The following CTNNA2 variants were observed in gnomAD, a reference collection of about 807,000 sequenced individuals.
CTNNA2 encodes the protein catenin alpha 2.
CTNNA2 carries 42 observed loss-of-function variants against 101.0 expected under a neutral mutation model. The ratio of observed to expected loss-of-function variants is 0.42; its 90% CI spans 0.32 to 0.54. CTNNA2 has a LOEUF of 0.54. Ranked by LOEUF, CTNNA2 falls within the 20% of genes least tolerant of loss-of-function variation. The pLI is 0.14. For missense variants in CTNNA2, 871 were observed against 1,223.1 expected, an observed-to-expected ratio of 0.71 and a Z score of 4.29; for synonymous variants, 450 against 456.4, an observed-to-expected ratio of 0.99 and a Z score of 0.18.
chr2:79,796,589 C>T (rs1040152603), intron 3 of CTNNA2, among the ~76,000 whole-genome samples: 4 of 152,172 alleles, frequency 2.6e-5, no homozygotes, highest in African/African-American at 9.7e-5. Context: ...TGGAGGCAGG[C>T]AGCATCCAAC....
intron 7 of CTNNA2, among the ~76,000 whole-genome samples, chr2:79,948,915 C>G (rs1029660668): frequency 6.6e-6 from 1 of 152,152 alleles, no homozygotes; most frequent in Admixed American, 6.5e-5. Context: ...TTGCAGTGAA[C>G]TGAGATTGTG....
At chr2:80,310,737 C>T (rs866168671) in intron 7 of CTNNA2, among the ~76,000 whole-genome samples, 2 of 151,892 alleles carry the variant, frequency 1.3e-5, no homozygotes, top group East Asian at 1.9e-4. Context: ...TTTGGGAGGC[C>T]GAGGCGGGTG....
intron 2 of CTNNA2, among the ~76,000 whole-genome samples, chr2:79,241,898 T>TCTTTC (rs1674630364): frequency 6.6e-6 from 1 of 150,866 alleles, no homozygotes; most frequent in African/African-American, 2.5e-5. Context: ...TCTTTTCTTT[T>TCTTTC]CTTTTCTTTT....
chr2:80,280,227 A>G (rs1411626967), intron 7 of CTNNA2, among the ~76,000 whole-genome samples: 1 of 148,656 alleles, frequency 6.7e-6, no homozygotes, highest in South Asian at 2.2e-4. Flanking sequence ...GGATTTGAGC[A>G]ATGAGAATCT....
chr2:80,102,805 C>T (rs1013583991), intron 7 of CTNNA2, among the ~76,000 whole-genome samples: 1 of 152,164 alleles, frequency 6.6e-6, no homozygotes, highest in East Asian at 1.9e-4. Flanking sequence ...AGCCACTGCA[C>T]CCTGCCCTAG....
chr2:79,525,972 G>T (rs886629813), intron 1 of CTNNA2, among the ~76,000 whole-genome samples: 2 of 151,892 alleles, frequency 1.3e-5, no homozygotes, highest in Non-Finnish European at 2.9e-5. Context: ...TTGATGACTG[G>T]TTGCCTTTGG....
In CTNNA2 at chr2:79,296,769, A is replaced by G. The variant is rs1002458875; in HGVS notation, c.-405-15940A>G. Among the ~76,000 whole-genome samples, 11 of 152,128 alleles carry G rather than the reference A, an allele frequency of 7.2e-5. 1 individual carries two copies. Among genetic ancestry groups the G allele is most frequent in the African/African-American group, 2.7e-4 (11 of 41,448 alleles). On this transcript the variant is annotated intron_variant, in intron 2 of 21. Coordinates refer to the CTNNA2 transcript ENST00000466387. The stretch of plus-strand genomic sequence containing the variant: ...TTGTCCAGAGGATCCTTCTAAAACA[A>G]CAGAACCAAACAGCTCTCTGCTTGG...
intron 7 of CTNNA2, among the ~76,000 whole-genome samples, chr2:80,190,571 A>T (rs1706429627): frequency 1.3e-5 from 2 of 152,088 alleles, no homozygotes; most frequent in South Asian, 4.2e-4. Flanking sequence ...CACTCCCAGA[A>T]TCTGTAGCTC....
rs1458764773 is a variant in CTNNA2 at position 80,303,142 on chromosome 2, G to A, written c.1057-90069G>A. The A allele has an allele frequency of 6.2e-7, 1 of 1,614,148 alleles. No individual in the cohort carries two copies. Among genetic ancestry groups the A allele is most frequent in the Non-Finnish European group, 8.5e-7 (1 of 1,180,040 alleles). The stretch of plus-strand genomic sequence containing the variant: ...GGGAGATGAGGCGCGGGAAGTGGGC[G>A]AAGTTCACCTTGACCAAGTCGTTGT... On this transcript the variant is annotated intron_variant, in intron 7 of 18. Coordinates refer to ENST00000402739, the MANE Select transcript of CTNNA2 (RefSeq NM_001282597.3). This position sits in a 1 kb window ranked among gnomAD's most constrained non-coding sequence, Gnocchi z 7.7.
intron 7 of CTNNA2, among the ~76,000 whole-genome samples, chr2:80,161,785 A>G (rs1341992262): frequency 6.6e-6 from 1 of 152,192 alleles, no homozygotes; most frequent in Non-Finnish European, 1.5e-5. Flanking sequence ...TTCATGTAAA[A>G]ATATACGTGT....
At chr2:79,687,423 A>G in intron 2 of CTNNA2, 2 of 508,800 alleles carry the variant, frequency 3.9e-6, no homozygotes, top group South Asian at 3.2e-5. Context: ...GCAAAAATCC[A>G]TAAAAGGTCA....
At chr2:79,347,788 CTTTTTTT>C (rs35044310) in intron 3 of CTNNA2, among the ~76,000 whole-genome samples, 2 of 132,686 alleles carry the variant, frequency 1.5e-5, no homozygotes, top group Admixed American at 7.6e-5. Context: ...CCTAGCCTTC[CTTTTTTT>C]TTTTTTTTTT....
intron 7 of CTNNA2, among the ~76,000 whole-genome samples, chr2:80,124,293 A>G (rs1027712503): frequency 1.3e-5 from 2 of 152,096 alleles, no homozygotes; most frequent in Non-Finnish European, 2.9e-5. Flanking sequence ...ATCTAGGCCC[A>G]GGTGCCATCT....
Position 80,218,947 on chromosome 2 carries a change from C to T in CTNNA2, c.1057-174264C>T, listed in dbSNP as rs536828053. The stretch of plus-strand genomic sequence containing the variant: ...AATGGATGATTACACACATTAAAAC[C>T]TCAATTTAATGTTATGTAGAATCAC... On this transcript the variant is annotated intron_variant, in intron 7 of 18. Transcript: ENST00000402739. Among the ~76,000 whole-genome samples the T allele has an allele frequency of 1.2e-4, 19 of 152,102 alleles. No individual in the cohort carries two copies. The East Asian group carries it at 3.5e-3, about 28-fold the overall frequency.
intron 7 of CTNNA2, among the ~76,000 whole-genome samples, chr2:80,118,272 G>A (rs1175357381): frequency 6.6e-6 from 1 of 152,146 alleles, no homozygotes; most frequent in Admixed American, 6.5e-5. Context: ...TAGACGTGGG[G>A]CATGAATAGT....
intron 9 of CTNNA2, among the ~76,000 whole-genome samples, chr2:80,454,431 T>C (rs1042808328): frequency 6.6e-6 from 1 of 152,186 alleles, no homozygotes; most frequent in Admixed American, 6.5e-5. Context: ...ACCTTCCCCA[T>C]GTGTAGAACA....
At chr2:79,472,741 G>T (rs574380734) in intron 4 of CTNNA2, among the ~76,000 whole-genome samples, 2 of 152,160 alleles carry the variant, frequency 1.3e-5, no homozygotes, top group South Asian at 4.2e-4. Context: ...ATACAGATGG[G>T]CTGAGAATTT....
In CTNNA2 at chr2:80,555,819, C is replaced by G. The variant is rs545265526; in HGVS notation, c.1667C>G (p.Ala556Gly). The change falls in exon 12 of 19, where the codon GCT (alanine) becomes GGT (glycine). Residue 556 changes from alanine to glycine, a missense_variant. Coordinates refer to ENST00000402739, the MANE Select transcript of CTNNA2 (RefSeq NM_001282597.3). ...RAARVIHIIN[A>G]EMENYEAGVY... ...GCTCGAGTCATACACATCATCAATG[C>G]TGAGATGGAGAACTATGAAGCTGGG... 1 of 1,597,800 alleles carries G rather than the reference C, an allele frequency of 6.3e-7. No individual in the cohort carries two copies. The highest frequency in any genetic ancestry group is 1.2e-5 in the South Asian group (1 of 86,726).
chr2:79,944,014 C>A (rs1688327851), intron 7 of CTNNA2, among the ~76,000 whole-genome samples: 1 of 152,142 alleles, frequency 6.6e-6, no homozygotes, highest in African/African-American at 2.4e-5. Flanking sequence ...TTTTTCTTCC[C>A]TTGTGTCTGT....
Sources: gnomAD v4.1 joint callset for allele counts (sites outside exome capture counted in the v4.1 genomes callset) on GRCh38, gnomAD v4.1.1 for gene constraint, Gnocchi (gnomAD v3.1) non-coding constraint, MANE v1.5 for transcripts, NCBI Gene and HGNC (gene_info 2026-07-23, HGNC 2026-07-21) for gene names.